N4BP2L2: variants seen among roughly 807,000 people sequenced by gnomAD.
The protein encoded by N4BP2L2 is NEDD4 binding protein 2 like 2, also known as NEDD4-binding protein 2-like 2.
Under a neutral mutation model 56.2 loss-of-function variants are expected in N4BP2L2, and 50 were observed. The observed-to-expected ratio is 0.89, with a 90% CI of 0.71 to 1.13. The LOEUF is 1.13. Ranked by LOEUF, N4BP2L2 falls within the 50% of genes most tolerant of loss-of-function variation. The pLI, the probability that N4BP2L2 is intolerant of heterozygous loss-of-function variation, is 0.00. For missense variants in N4BP2L2, 689 were observed against 693.8 expected, an observed-to-expected ratio of 0.99 and a Z score of 0.08; for synonymous variants, 203 against 223.6, an observed-to-expected ratio of 0.91 and a Z score of 0.82.
At chr13:32,456,549 T>C (rs1353277557) in intron 6 of N4BP2L2, among the ~76,000 whole-genome samples, 2 of 152,268 alleles carry the variant, frequency 1.3e-5, no homozygotes, top group East Asian at 1.9e-4. Context: ...TTTTATGGAA[T>C]TCCAGAAAAA....
At chr13:32,494,395 A>G (rs953049558) in intron 6 of N4BP2L2, among the ~76,000 whole-genome samples, 3 of 152,176 alleles carry the variant, frequency 2.0e-5, no homozygotes, top group Admixed American at 6.5e-5. Context: ...ATAGAAACCA[A>G]TAAGTTGTTT....
chr13:32,453,448 A>G (rs749654620), intron 6 of N4BP2L2, among the ~76,000 whole-genome samples: 20 of 152,060 alleles, frequency 1.3e-4, no homozygotes, highest in Admixed American at 3.3e-4. Context: ...AAAAAAAAAA[A>G]GCTGAGTCTC....
chr13:32,523,173 C>T (rs2051485132), intron 3 of N4BP2L2: 1 of 151,560 alleles, frequency 6.6e-6, no homozygotes, highest in Non-Finnish European at 1.5e-5. Flanking sequence ...GGTGGATCAC[C>T]AGAGGTCAGG....
intron 6 of N4BP2L2, among the ~76,000 whole-genome samples, chr13:32,492,272 A>ATT (rs1185615708): frequency 1.0e-4 from 8 of 77,032 alleles, no homozygotes; most frequent in Admixed American, 5.2e-4. Flanking sequence ...AAAACACCAA[A>ATT]ATTTTTTTTT....
At chr13:32,520,719 A>G (rs994202787) in intron 5 of N4BP2L2, among the ~76,000 whole-genome samples, 1 of 152,144 alleles carries the variant, frequency 6.6e-6, no homozygotes, top group African/African-American at 2.4e-5. Context: ...AGTGATATGA[A>G]GGGAAAAGGT....
At chr13:32,450,351 G>A (rs2077734657) in intron 6 of N4BP2L2, among the ~76,000 whole-genome samples, 1 of 150,194 alleles carries the variant, frequency 6.7e-6, no homozygotes, top group Non-Finnish European at 1.5e-5. Context: ...TTGAGATGGA[G>A]TCTCACTCTG....
chr13:32,534,014 A>G (rs538442441), intron 2 of N4BP2L2, among the ~76,000 whole-genome samples: 3 of 152,330 alleles, frequency 2.0e-5, no homozygotes, highest in South Asian at 2.1e-4. Context: ...AAAACATACT[A>G]TAATTTTATT....
intron 6 of N4BP2L2, chr13:32,480,483 A>G (rs1327706958): frequency 3.8e-6 from 2 of 519,610 alleles, no homozygotes; most frequent in Admixed American, 3.7e-5. Context: ...GGACGGCATC[A>G]TATTTAAAGT....
chr13:32,533,811 C>T (rs2055717943), intron 2 of N4BP2L2, among the ~76,000 whole-genome samples: 1 of 152,122 alleles, frequency 6.6e-6, no homozygotes, highest in Non-Finnish European at 1.5e-5. Flanking sequence ...TTTGTCAAAG[C>T]TTGTTTTGAA....
chr13:32,480,621 T>C, intron 6 of N4BP2L2: 3 of 1,288,426 alleles, frequency 2.3e-6, no homozygotes, highest in Non-Finnish European at 3.0e-6. Flanking sequence ...AAACATTTGA[T>C]ATTTCTTCAG....
intron 9 of N4BP2L2, among the ~76,000 whole-genome samples, chr13:32,434,249 T>TC (rs1401922423): frequency 1.2e-5 from 1 of 80,376 alleles, no homozygotes; most frequent in Non-Finnish European, 2.3e-5. Context: ...GCTAATTTTC[T>TC]TTTTTTCTTT....
At chr13:32,436,434 T>C (rs1365808589) in intron 8 of N4BP2L2, 1 of 1,026,446 alleles carries the variant, frequency 9.7e-7, no homozygotes, top group Admixed American at 2.7e-5. Flanking sequence ...ATACATAAAA[T>C]ATTAATATTT....
chr13:32,468,858 C>T (rs1432316445), intron 6 of N4BP2L2, among the ~76,000 whole-genome samples: 1 of 152,174 alleles, frequency 6.6e-6, no homozygotes, highest in African/African-American at 2.4e-5. Flanking sequence ...GGCTTGTGCC[C>T]AGAGAGAGAA....
At chr13:32,472,419 T>C (rs1450385503) in intron 6 of N4BP2L2, among the ~76,000 whole-genome samples, 1 of 152,222 alleles carries the variant, frequency 6.6e-6, no homozygotes, top group Non-Finnish European at 1.5e-5. Context: ...GCTGGTTATT[T>C]TTCTTCATAT....
intron 7 of N4BP2L2, among the ~76,000 whole-genome samples, chr13:32,440,175 A>G (rs1393123979): frequency 6.6e-6 from 1 of 152,226 alleles, no homozygotes; most frequent in Non-Finnish European, 1.5e-5. Flanking sequence ...GACTTAGTCA[A>G]TCTTTGGTCT....
At chr13:32,451,345 C>T (rs150495513) in intron 6 of N4BP2L2, among the ~76,000 whole-genome samples, 211 of 151,302 alleles carry the variant, frequency 1.4e-3, no homozygotes, top group African/African-American at 5.0e-3. Context: ...AAAAACACAA[C>T]CCCCAGGTGA....
intron 6 of N4BP2L2, among the ~76,000 whole-genome samples, chr13:32,500,865 C>CT (rs368419149): frequency 0.33 from 42,051 of 127,364 alleles, 7,737 homozygotes; most frequent in East Asian, 0.43. Context: ...TTAGTCTTTT[C>CT]TTTTTTTTTT....
At position 32,449,921 on chromosome 13, in the gene N4BP2L2, T is replaced by A. The variant is rs564803469; in HGVS notation, c.366-5795A>T. Among the ~76,000 whole-genome samples, 43 of 152,328 alleles carry A rather than the reference T, an allele frequency of 2.8e-4. No individual in the cohort carries two copies. The South Asian group carries it at 3.3e-3, about 12-fold the overall frequency. On this transcript the variant is annotated intron_variant, in intron 6 of 9. Transcript: ENST00000357505. The stretch of plus-strand genomic sequence containing the variant: ...GATTGGAAGTGGAAAAAAATTTTTT[T>A]AAACTAAGTGGCCATATATAGACAA...
chr13:32,435,999 ATAT>A (rs2075427316), intron 9 of N4BP2L2, among the ~76,000 whole-genome samples: 1 of 152,230 alleles, frequency 6.6e-6, no homozygotes, highest in South Asian at 2.1e-4. Context: ...AGAGAATCTA[ATAT>A]TTAAGTAGAA....
Sources: allele counts gnomAD v4.1 joint callset (sites outside exome capture counted in the v4.1 genomes callset), GRCh38; gene constraint gnomAD v4.1.1; transcripts MANE v1.5; gene names NCBI Gene and HGNC (gene_info 2026-07-23, HGNC 2026-07-21).